Variants in TCF4 observed in about 807,000 individuals in gnomAD.
The protein encoded by TCF4 is SL3-3 enhancer factor 2.
A neutral mutation model predicts 82.1 loss-of-function variants in TCF4; 3 were observed. That is an observed-to-expected ratio of 0.04 (90% CI 0.02 to 0.09). The LOEUF (loss-of-function observed/expected upper bound fraction) is 0.09. Ranked by LOEUF, TCF4 falls within the 10% of genes least tolerant of loss-of-function variation. The probability of loss-of-function intolerance (pLI) is 1.00; values close to 1 mark genes in which losing one functional copy is unlikely to be tolerated. For missense variants in TCF4, 518 were observed against 852.7 expected (o/e 0.61, Z 4.89); for synonymous variants, 276 against 309.6 (o/e 0.89, Z 1.14).
At chr18:55,297,147 GTTTTTTTTT>G (rs35268463) in intron 8 of TCF4, among the ~76,000 whole-genome samples, 1 of 64,250 alleles carries the variant, frequency 1.6e-5, no homozygotes, top group Non-Finnish European at 2.9e-5. Context: ...TTTCTTTGAG[GTTTTTTTTT>G]TTTTTTTTTT....
chr18:55,522,126 G>A (rs1390443294), intron 3 of TCF4, among the ~76,000 whole-genome samples: 2 of 152,188 alleles, frequency 1.3e-5, no homozygotes, highest in Non-Finnish European at 2.9e-5. Flanking sequence ...AAAGACTGAT[G>A]TTACCAGAGT....
intron 2 of TCF4, among the ~76,000 whole-genome samples, chr18:55,615,377 A>G (rs1051739888): frequency 6.6e-6 from 1 of 151,974 alleles, no homozygotes; most frequent in Non-Finnish European, 1.5e-5. Context: ...CAATTTTTGC[A>G]TAAGTTATCT....
In TCF4 at chr18:55,222,345, CTT is replaced by C. The variant is rs2045981530; in HGVS notation, c.*5688_*5689del. ...ACTAAAAGACTAAATGCTTGTGGCT[CTT>C]TTATATATATTTAAAACACACAGTA... On this transcript the variant is annotated 3_prime_UTR_variant, in exon 20 of 20. Coordinates refer to ENST00000354452, the MANE Select transcript of TCF4 (RefSeq NM_001083962.2). 6.6e-6 allele frequency: 1 copy of C among 152,096 alleles called. No individual in the cohort carries two copies. The highest frequency in any genetic ancestry group is 2.1e-4 in the South Asian group (1 of 4,816). The allele number at this position is 152,096 out of a possible 1,614,324, so 9.4% of individuals were successfully genotyped here. A position where few individuals can be genotyped will look rare whatever the true frequency, so the allele number is the denominator to read the frequency against.
intron 3 of TCF4, among the ~76,000 whole-genome samples, chr18:55,501,388 T>A (rs946000849): frequency 1.3e-5 from 2 of 152,158 alleles, no homozygotes; most frequent in South Asian, 4.1e-4. Context: ...AACGGCTTTG[T>A]TTACAAATAT....
chr18:55,584,186 A>G (rs556873317), intron 3 of TCF4, among the ~76,000 whole-genome samples: 42 of 152,310 alleles, frequency 2.8e-4, no homozygotes, highest in African/African-American at 7.7e-4. Context: ...TACAAATCAC[A>G]TAAGTGAACA....
chr18:55,551,091 C>CCA (rs1479623635), intron 3 of TCF4: 1 of 152,170 alleles, frequency 6.6e-6, no homozygotes, highest in Non-Finnish European at 1.5e-5. Context: ...TTACAGGCAC[C>CCA]CAGCACCAAG....
intron 2 of TCF4, among the ~76,000 whole-genome samples, chr18:55,620,824 A>C (rs1206197020): frequency 1.4e-5 from 2 of 147,358 alleles, no homozygotes; most frequent in African/African-American, 5.1e-5. Flanking sequence ...TGGTTCTTGC[A>C]GGTGGCTGGA....
intron 6 of TCF4, among the ~76,000 whole-genome samples, chr18:55,374,687 T>G (rs1227032918): frequency 6.6e-6 from 1 of 151,712 alleles, no homozygotes; most frequent in Non-Finnish European, 1.5e-5. Context: ...GATGGCTAAG[T>G]CCAGGAGTTC....
At chr18:55,344,132 T>C (rs1291733727) in intron 8 of TCF4, among the ~76,000 whole-genome samples, 2 of 152,154 alleles carry the variant, frequency 1.3e-5, no homozygotes, top group Admixed American at 6.6e-5. Flanking sequence ...TATTTAGCCC[T>C]CCAATTCCTG....
chr18:55,436,365 T>G (rs1395589748), intron 5 of TCF4, among the ~76,000 whole-genome samples: 1 of 152,184 alleles, frequency 6.6e-6, no homozygotes, highest in Non-Finnish European at 1.5e-5. Flanking sequence ...ATTTTCAACT[T>G]CCCCAAAATT....
chr18:55,401,918 TA>T (rs1339417542), intron 6 of TCF4: 82 of 847,164 alleles, frequency 9.7e-5, no homozygotes, highest in Non-Finnish European at 1.1e-4. Context: ...CCCAAAACTC[TA>T]ATGACCTCCG....
chr18:55,308,455 G>A (rs1208872644), intron 8 of TCF4, among the ~76,000 whole-genome samples: 2 of 152,120 alleles, frequency 1.3e-5, no homozygotes, highest in African/African-American at 4.8e-5. Flanking sequence ...GTAAAATTTG[G>A]CAGACACCAG....
At chr18:55,363,970 T>C (rs1279920404) in intron 6 of TCF4, among the ~76,000 whole-genome samples, 1 of 152,112 alleles carries the variant, frequency 6.6e-6, no homozygotes, top group Non-Finnish European at 1.5e-5. Flanking sequence ...GGGAAGAACA[T>C]GAACCATTCC....
intron 5 of TCF4, among the ~76,000 whole-genome samples, chr18:55,458,840 AT>A (rs1359791011): frequency 1.3e-5 from 2 of 151,530 alleles, no homozygotes; most frequent in Admixed American, 6.6e-5. Context: ...TCCCTTTTCC[AT>A]TTTTTTTGCA....
At chr18:55,250,266 A>G (rs2054605029) in intron 15 of TCF4, among the ~76,000 whole-genome samples, 1 of 152,206 alleles carries the variant, frequency 6.6e-6, no homozygotes, top group Non-Finnish European at 1.5e-5. Context: ...ATAAGTGCAT[A>G]GATAATGTGG....
At chr18:55,461,227 T>C (rs2095862882) in intron 4 of TCF4, 112 bp from the exon 5 acceptor site, 1 of 814,626 alleles carries the variant, frequency 1.2e-6, no homozygotes, top group Admixed American at 2.2e-5. Context: ...GAGTCCACTA[T>C]TCCCTCCCTG....
At chr18:55,275,359 A>G (rs1254278813) in intron 10 of TCF4, among the ~76,000 whole-genome samples, 2 of 151,980 alleles carry the variant, frequency 1.3e-5, no homozygotes, top group East Asian at 3.9e-4. Flanking sequence ...GTACCCAAGG[A>G]AGCTGACATT....
intron 8 of TCF4, among the ~76,000 whole-genome samples, chr18:55,281,885 T>C (rs925765017): frequency 1.3e-5 from 2 of 152,002 alleles, no homozygotes; most frequent in Non-Finnish European, 2.9e-5. Context: ...ATTGGCTGCA[T>C]GGAGAAGAGT....
At chr18:55,436,799 C>A (rs2095338890) in intron 5 of TCF4, among the ~76,000 whole-genome samples, 1 of 152,158 alleles carries the variant, frequency 6.6e-6, no homozygotes, top group Non-Finnish European at 1.5e-5. Flanking sequence ...AACTAAATAT[C>A]TTTATTATCC....
Sources: gnomAD v4.1 joint callset for allele counts (sites outside exome capture counted in the v4.1 genomes callset) on GRCh38, gnomAD v4.1.1 for gene constraint, MANE v1.5 for transcripts, NCBI Gene and HGNC (gene_info 2026-07-23, HGNC 2026-07-21) for gene names.